MAP4: variants seen among roughly 807,000 people sequenced by gnomAD.
MAP4 encodes microtubule associated protein 4.
MAP4 carries 76 observed loss-of-function variants against 170.2 expected under a neutral mutation model. The ratio of observed to expected loss-of-function variants is 0.45; its 90% CI spans 0.37 to 0.54. The LOEUF (loss-of-function observed/expected upper bound fraction) is 0.54. Ranked by LOEUF, MAP4 falls within the 20% of genes least tolerant of loss-of-function variation. MAP4 has a pLI of 0.00. For missense variants in MAP4, 2,506 were observed against 2,748.0 expected, an observed-to-expected ratio of 0.91 and a Z score of 1.97; for synonymous variants, 909 against 994.5, an observed-to-expected ratio of 0.91 and a Z score of 1.62.
At chr3:48,057,825 G>C (rs1348900710) in intron 1 of MAP4, among the ~76,000 whole-genome samples, 1 of 152,094 alleles carries the variant, frequency 6.6e-6, no homozygotes, top group African/African-American at 2.4e-5. Flanking sequence ...AGGGGAAACT[G>C]GGTAAAGTGT....
At chr3:48,069,527 C>G (rs954464894) in intron 1 of MAP4, among the ~76,000 whole-genome samples, 1 of 152,190 alleles carries the variant, frequency 6.6e-6, no homozygotes. Context: ...TTGGGCAAGT[C>G]TACCTTAGAC....
At chr3:47,966,075 A>G (rs907449232) in intron 3 of MAP4, among the ~76,000 whole-genome samples, 43 of 151,942 alleles carry the variant, frequency 2.8e-4, no homozygotes, top group Admixed American at 2.6e-3. Context: ...CCCAACTTAA[A>G]AAAAAGAGAG....
intron 10 of MAP4, among the ~76,000 whole-genome samples, chr3:47,890,655 G>T (rs574692667): frequency 1.3e-5 from 2 of 152,184 alleles, no homozygotes; most frequent in Admixed American, 6.5e-5. Context: ...GAATCATCTG[G>T]TTCAAACCAA....
chr3:47,903,501 C>A (rs997589495), intron 9 of MAP4, among the ~76,000 whole-genome samples: 3 of 147,760 alleles, frequency 2.0e-5, no homozygotes, highest in African/African-American at 7.6e-5. Flanking sequence ...CCACTGCACT[C>A]TCGCCTTGGC....
intron 10 of MAP4, among the ~76,000 whole-genome samples, chr3:47,879,897 T>A (rs1269900244): frequency 6.6e-6 from 1 of 152,222 alleles, no homozygotes; most frequent in Non-Finnish European, 1.5e-5. Context: ...TAGATATCCT[T>A]GCCTTGTTCC....
intron 1 of MAP4, among the ~76,000 whole-genome samples, chr3:48,068,496 GA>G (rs1371935354): frequency 2.6e-5 from 4 of 152,124 alleles, no homozygotes; most frequent in African/African-American, 9.6e-5. Flanking sequence ...TGCTTCTCAA[GA>G]AGCTGGGACT....
chr3:47,976,047 C>T (rs1316779122), intron 3 of MAP4, among the ~76,000 whole-genome samples: 2 of 152,186 alleles, frequency 1.3e-5, no homozygotes, highest in Non-Finnish European at 2.9e-5. Context: ...GCCTCGGTCT[C>T]CCAAAGTGCT....
chr3:47,945,552 T>C (rs907594258), intron 3 of MAP4, among the ~76,000 whole-genome samples: 2 of 151,958 alleles, frequency 1.3e-5, no homozygotes, highest in African/African-American at 4.8e-5. Flanking sequence ...GAAATGATTG[T>C]AATTTGGAGG....
chr3:47,929,262 C>T (rs1243574323), intron 3 of MAP4, among the ~76,000 whole-genome samples: 1 of 151,910 alleles, frequency 6.6e-6, no homozygotes, highest in Non-Finnish European at 1.5e-5. Flanking sequence ...GGCTGAGGCA[C>T]GAGAATCACT....
intron 1 of MAP4, among the ~76,000 whole-genome samples, chr3:48,000,542 G>A (rs2100098570): frequency 6.6e-6 from 1 of 152,152 alleles, no homozygotes; most frequent in Admixed American, 6.5e-5. Context: ...CTAGAGTTGG[G>A]TCAATCAGAA....
At chr3:48,049,107 T>C (rs2100126163) in intron 1 of MAP4, among the ~76,000 whole-genome samples, 1 of 152,250 alleles carries the variant, frequency 6.6e-6, no homozygotes, top group Non-Finnish European at 1.5e-5. Context: ...TATAGCTTGC[T>C]TGTTCCTTTT....
intron 2 of MAP4, among the ~76,000 whole-genome samples, chr3:47,996,430 G>A (rs1349891872): frequency 3.9e-5 from 6 of 152,096 alleles, no homozygotes; most frequent in African/African-American, 9.7e-5. Context: ...GAACTCTTCC[G>A]ATAAGAGAGA....
chr3:47,876,508 ACT>A (rs765077032), intron 11 of MAP4, among the ~76,000 whole-genome samples: 1 of 152,076 alleles, frequency 6.6e-6, no homozygotes, highest in Non-Finnish European at 1.5e-5. Context: ...AAAACAATTA[ACT>A]CTTAATAATT....
At chr3:47,979,842 C>T (rs530704760) in intron 2 of MAP4, among the ~76,000 whole-genome samples, 13 of 151,628 alleles carry the variant, frequency 8.6e-5, no homozygotes, top group Admixed American at 5.3e-4. Context: ...TTTGTTTTTT[C>T]GAGACAGGGT....
At chr3:48,050,666 T>A (rs886473428) in intron 1 of MAP4, among the ~76,000 whole-genome samples, 1 of 151,138 alleles carries the variant, frequency 6.6e-6, no homozygotes, top group Admixed American at 6.6e-5. Flanking sequence ...CCCAACACTT[T>A]GGGAGGCTGA....
intron 10 of MAP4, chr3:47,892,176 T>C (rs527791012): frequency 6.5e-7 from 1 of 1,536,370 alleles, no homozygotes; most frequent in Non-Finnish European, 8.7e-7. Context: ...ACATACCTGC[T>C]CTCAAGGTGA....
intron 10 of MAP4, chr3:47,891,241 T>G: frequency 6.5e-7 from 1 of 1,536,260 alleles, no homozygotes; most frequent in Non-Finnish European, 8.7e-7. Flanking sequence ...GGAGATATAA[T>G]CCAGCAGTGC....
intron 1 of MAP4, among the ~76,000 whole-genome samples, chr3:48,023,861 G>A (rs907071785): frequency 4.6e-5 from 7 of 152,210 alleles, no homozygotes; most frequent in African/African-American, 1.7e-4. Flanking sequence ...GATGGCAGGG[G>A]TTGGGGGGAG....
At chr3:48,071,108 G>GTAA (rs2100140796) in intron 1 of MAP4, among the ~76,000 whole-genome samples, 1 of 152,104 alleles carries the variant, frequency 6.6e-6, no homozygotes, top group Non-Finnish European at 1.5e-5. Flanking sequence ...TCCATGTCTC[G>GTAA]TAATAAAGGG....
Sources: gnomAD v4.1 joint callset for allele counts (sites outside exome capture counted in the v4.1 genomes callset) on GRCh38, gnomAD v4.1.1 for gene constraint, MANE v1.5 for transcripts, NCBI Gene and HGNC (gene_info 2026-07-23, HGNC 2026-07-21) for gene names.